FSTL4: variants seen among roughly 807,000 people sequenced by gnomAD.
FSTL4 encodes the protein follistatin-related protein 4.
FSTL4 carries 28 observed loss-of-function variants against 78.2 expected under a neutral mutation model. The observed-to-expected ratio is 0.36, with a 90% CI of 0.27 to 0.49. The LOEUF (loss-of-function observed/expected upper bound fraction) is 0.49. Among genes scored for constraint, FSTL4 ranks in the 20% least tolerant of loss-of-function variants. The pLI, the probability that FSTL4 is intolerant of heterozygous loss-of-function variation, is 0.98. For synonymous variants in FSTL4, 422 were observed against 440.5 expected (o/e 0.96, Z 0.53); for missense variants, 922 against 1,084.9 (o/e 0.85, Z 2.11).
chr5:133,665,466 A>T, the FSTL4 span, among the ~76,000 whole-genome samples: 1 of 152,216 alleles, frequency 6.6e-6, no homozygotes. Context: ...TAACTGCAAG[A>T]GTAACACAGA....
intron 14 of FSTL4, among the ~76,000 whole-genome samples, chr5:133,205,410 G>GTGTT (rs1165218145): frequency 1.3e-5 from 2 of 148,366 alleles, no homozygotes; most frequent in African/African-American, 2.4e-5. Flanking sequence ...TGTGTGTGTA[G>GTGTT]TGTTTGTTTA....
intron 4 of FSTL4, among the ~76,000 whole-genome samples, chr5:133,378,006 A>G (rs1755479323): frequency 6.6e-6 from 1 of 152,224 alleles, no homozygotes. Context: ...AATGTGCTAA[A>G]AAACAAAACT....
At chr5:133,659,751 A>G in the FSTL4 span, among the ~76,000 whole-genome samples, 1 of 151,944 alleles carries the variant, frequency 6.6e-6, no homozygotes, top group Admixed American at 6.6e-5. Flanking sequence ...TAAAAGTTAA[A>G]TATTTTATTT....
intron 4 of FSTL4, among the ~76,000 whole-genome samples, chr5:133,327,941 G>C (rs1303428835): frequency 1.3e-5 from 2 of 152,138 alleles, no homozygotes; most frequent in African/African-American, 4.8e-5. Flanking sequence ...ATTCAAAGAG[G>C]GCCTTGCATC....
rs990684001 is a variant in FSTL4 at position 133,395,921 on chromosome 5, C to G, written c.409+4817G>C. Among the ~76,000 whole-genome samples the G allele has an allele frequency of 6.6e-5, 10 of 152,186 alleles. 1 individual carries two copies. Among genetic ancestry groups the G allele is most frequent in the Admixed American group, 5.2e-4 (8 of 15,268 alleles). On this transcript the variant is annotated intron_variant, in intron 4 of 15. Transcript: ENST00000265342. ...TAGGAGCTTTGTCCAGACTGGGGAT[C>G]AGAGATACCTGATTCTCCCCTTGCT...
chr5:133,601,332 G>T (rs1760863978), intron 2 of FSTL4, among the ~76,000 whole-genome samples: 1 of 152,160 alleles, frequency 6.6e-6, no homozygotes, highest in African/African-American at 2.4e-5. Flanking sequence ...AATAAGACAG[G>T]CTCCATCCAT....
At chr5:133,538,705 T>C (rs1166685938) in intron 3 of FSTL4, among the ~76,000 whole-genome samples, 1 of 152,200 alleles carries the variant, frequency 6.6e-6, no homozygotes, top group East Asian at 1.9e-4. Context: ...TTATAATTAT[T>C]TTCCAGTTAT....
intron 3 of FSTL4, among the ~76,000 whole-genome samples, chr5:133,471,857 C>T (rs2112849152): frequency 6.6e-6 from 1 of 152,320 alleles, no homozygotes; most frequent in East Asian, 1.9e-4. Flanking sequence ...CCTGGATACA[C>T]AGTTAACACT....
chr5:133,603,260 G>A (rs1162045213), intron 2 of FSTL4, among the ~76,000 whole-genome samples: 1 of 152,118 alleles, frequency 6.6e-6, no homozygotes, highest in African/African-American at 2.4e-5. Context: ...TAAGACCAGG[G>A]TTCACTAAGC....
chr5:133,722,955 G>T, the FSTL4 span, among the ~76,000 whole-genome samples: 2 of 152,186 alleles, frequency 1.3e-5, no homozygotes, highest in Non-Finnish European at 2.9e-5. Flanking sequence ...TAGGTCAAAG[G>T]CGTTAGTGAT....
chr5:133,837,705 A>G, the FSTL4 span, among the ~76,000 whole-genome samples: 1 of 152,214 alleles, frequency 6.6e-6, no homozygotes, highest in Non-Finnish European at 1.5e-5. Context: ...CCTATCTGGT[A>G]GAACCACAAT....
chr5:133,784,127 C>G, the FSTL4 span, among the ~76,000 whole-genome samples: 1 of 152,030 alleles, frequency 6.6e-6, no homozygotes, highest in African/African-American at 2.4e-5. Flanking sequence ...CCAGTGCTCC[C>G]TAACATGAGA....
intron 4 of FSTL4, among the ~76,000 whole-genome samples, chr5:133,347,209 G>A (rs575700375): frequency 6.6e-6 from 1 of 152,248 alleles, no homozygotes; most frequent in South Asian, 2.1e-4. Flanking sequence ...GCCTGTGGCT[G>A]TGTAGGTCTC....
chr5:133,598,821 G>A (rs1219488903), intron 2 of FSTL4, among the ~76,000 whole-genome samples: 1 of 152,230 alleles, frequency 6.6e-6, no homozygotes, highest in African/African-American at 2.4e-5. Context: ...ATTTGCAATG[G>A]TGAGTATCAC....
chr5:133,820,571 A>G, the FSTL4 span, among the ~76,000 whole-genome samples: 1 of 152,206 alleles, frequency 6.6e-6, no homozygotes, highest in East Asian at 1.9e-4. Flanking sequence ...TGTGATTTAT[A>G]CATTGCAGTG....
At chr5:133,567,331 C>T (rs189061804) in intron 2 of FSTL4, 112 bp from the exon 3 acceptor site, 127 of 804,948 alleles carry the variant, frequency 1.6e-4, no homozygotes, top group African/African-American at 1.3e-3. Flanking sequence ...GAACAATCTA[C>T]GAAGAACATG....
the FSTL4 span, among the ~76,000 whole-genome samples, chr5:133,777,539 T>C: frequency 1.3e-5 from 2 of 152,238 alleles, no homozygotes; most frequent in Non-Finnish European, 2.9e-5. Context: ...AGAATGCCAC[T>C]TCTAATCCCA....
At chr5:133,331,254 G>T (rs949312905) in intron 4 of FSTL4, among the ~76,000 whole-genome samples, 1 of 152,210 alleles carries the variant, frequency 6.6e-6, no homozygotes, top group African/African-American at 2.4e-5. Context: ...GGAGACTGGG[G>T]CAGTAGCAGT....
chr5:133,211,038 T>C (rs1183299641), intron 13 of FSTL4: 1 of 152,244 alleles, frequency 6.6e-6, no homozygotes, highest in South Asian at 2.1e-4. Flanking sequence ...TTTGAGATCA[T>C]CCATTATCAC....
Sources: allele counts gnomAD v4.1 joint callset (sites outside exome capture counted in the v4.1 genomes callset), GRCh38; gene constraint gnomAD v4.1.1; transcripts MANE v1.5; gene names NCBI Gene and HGNC (gene_info 2026-07-23, HGNC 2026-07-21).